The following HAAO variants were observed in gnomAD, a reference collection of about 807,000 sequenced individuals.
HAAO encodes 3-hydroxyanthranilate 3,4-dioxygenase, also known as 3-hydroxyanthranilate oxygenase.
In HAAO, 49 loss-of-function variants were observed where a neutral mutation model predicts 46.2. The ratio of observed to expected loss-of-function variants is 1.06; its 90% CI spans 0.84 to 1.34. The LOEUF is 1.34. Among genes scored for constraint, HAAO ranks in the 40% most tolerant of loss-of-function variants. HAAO has a pLI of 0.00. For synonymous variants in HAAO, 157 were observed against 145.2 expected (o/e 1.08, Z -0.58); for missense variants, 408 against 364.5 (o/e 1.12, Z -0.97).
chr2:42,772,683 T>G (rs2104643311), intron 4 of HAAO, among the ~76,000 whole-genome samples: 1 of 152,204 alleles, frequency 6.6e-6, no homozygotes, highest in East Asian at 1.9e-4. Context: ...TAGTAACAAG[T>G]AATTTTAATT....
intron 1 of HAAO, among the ~76,000 whole-genome samples, chr2:42,789,493 C>A (rs1313486289): frequency 1.3e-5 from 2 of 152,168 alleles, no homozygotes; most frequent in Non-Finnish European, 2.9e-5. Flanking sequence ...TCGCTTGAAC[C>A]TGAGAGGTGA....
chr2:42,767,914 C>A lies in HAAO; in HGVS notation c.645G>T (p.Gly215=). 1 of 1,613,762 alleles carries A rather than the reference C, an allele frequency of 6.2e-7. No individual in the cohort carries two copies. The change falls in exon 8 of 10, where the codon GGG becomes GGT. Residue 215 remains glycine, a synonymous_variant. Transcript: ENST00000294973. ...GTCTCAGGCCTTCGCTGCTGCCTTG[C>A]CCATAGGCGATCACCTGGTGGGAGG... ...DTYETQVIAY[G]QGSSEGLRQN... is the part of the protein sequence containing the mutation.
chr2:42,774,129 C>T lies in HAAO; in HGVS notation c.351-3547G>A, dbSNP rs116763911. ...ATATGTTAATTGATGTCTCTTGTCC[C>T]CCTAAAATGTATAAAACCAAGCTGT... On this transcript the variant is annotated intron_variant, in intron 4 of 9. Coordinates refer to ENST00000294973, the MANE Select transcript of HAAO (RefSeq NM_012205.3). Among the ~76,000 whole-genome samples the T allele has an allele frequency of 8.9e-3, 1,354 of 152,292 alleles. 18 individuals carry two copies. The highest frequency in any genetic ancestry group is 0.031 in the African/African-American group (1,303 of 41,538).
chr2:42,770,146 G>T lies in HAAO; in HGVS notation c.481C>A (p.Pro161Thr). The T allele has an allele frequency of 1.2e-6, 2 of 1,604,162 alleles. No individual in the cohort carries two copies. Among genetic ancestry groups the T allele is most frequent in the Non-Finnish European group, 1.7e-6 (2 of 1,174,432 alleles). Residue 161 changes from proline to threonine, a missense_variant, in exon 6 of 10, where the codon CCT (proline) becomes ACT (threonine). Pro to Thr is a conservative substitution (Grantham distance 38). Coordinates refer to ENST00000294973, the MANE Select transcript of HAAO (RefSeq NM_012205.3). ...GGGCAGTTCCCAGCGGCCTCACCAGGGATGGGCTTTCCTGTTCTGTACTGC... is the reference window on the plus strand; with the variant it reads ...GGGCAGTTCCCAGCGGCCTCACCAGTGATGGGCTTTCCTGTTCTGTACTGC... ...SEQYRTGKPI[P>T]DQLLKEPPFP...
intron 4 of HAAO, 177 bp downstream of exon 4, chr2:42,783,137 C>T: frequency 1.7e-6 from 1 of 596,668 alleles, no homozygotes. Flanking sequence ...CTCTACCCCT[C>T]CACCATCAGC....
chr2:42,775,220 C>A (rs1671451969), intron 4 of HAAO, among the ~76,000 whole-genome samples: 1 of 135,108 alleles, frequency 7.4e-6, no homozygotes, highest in African/African-American at 3.0e-5. Flanking sequence ...ACACTTCAGC[C>A]TGGGTGACAG....
intron 7 of HAAO, among the ~76,000 whole-genome samples, chr2:42,768,947 C>T (rs750050767): frequency 3.9e-5 from 6 of 152,214 alleles, no homozygotes; most frequent in Non-Finnish European, 8.8e-5. Context: ...ACAGCTCATG[C>T]TCATGCTTCT....
At chr2:42,791,815 G>C (rs971499138) in intron 1 of HAAO, among the ~76,000 whole-genome samples, 2 of 152,134 alleles carry the variant, frequency 1.3e-5, no homozygotes, top group African/African-American at 4.8e-5. Flanking sequence ...ATACCACAGG[G>C]GAGGGCCTGA....
chr2:42,772,272 G>T (rs568539503), intron 4 of HAAO, among the ~76,000 whole-genome samples: 273 of 152,186 alleles, frequency 1.8e-3, no homozygotes, highest in African/African-American at 6.0e-3. Context: ...CCTGAGGTTG[G>T]CAGTTCGAGA....
intron 4 of HAAO, among the ~76,000 whole-genome samples, chr2:42,780,319 T>C (rs1161193396): frequency 1.3e-5 from 2 of 151,902 alleles, no homozygotes; most frequent in Non-Finnish European, 2.9e-5. Context: ...GTGATTCTCC[T>C]GCCTCAGCCT....
intron 2 of HAAO, among the ~76,000 whole-genome samples, chr2:42,784,175 G>C (rs1672222196): frequency 6.6e-6 from 1 of 152,230 alleles, no homozygotes. Context: ...TGACCCAGCA[G>C]TCAGGTAGGG....
intron 2 of HAAO, among the ~76,000 whole-genome samples, chr2:42,786,659 C>T (rs1672406699): frequency 6.6e-6 from 1 of 152,116 alleles, no homozygotes; most frequent in Non-Finnish European, 1.5e-5. Flanking sequence ...AGAGAATTCC[C>T]CCAATGCAAG....
At chr2:42,770,318 G>A in intron 5 of HAAO, 132 bp from the exon 6 acceptor site, 1 of 889,452 alleles carries the variant, frequency 1.1e-6, no homozygotes, top group Non-Finnish European at 1.8e-6. Flanking sequence ...ACACAGCTGT[G>A]TGTCTGCCAT....
intron 2 of HAAO, among the ~76,000 whole-genome samples, chr2:42,784,374 G>C (rs181209329): frequency 1.1e-3 from 163 of 152,232 alleles, no homozygotes; most frequent in African/African-American, 3.9e-3. Context: ...GCCGCAGCTT[G>C]GATCCAAGGC....
intron 4 of HAAO, among the ~76,000 whole-genome samples, chr2:42,775,350 G>A (rs757950680): frequency 9.9e-5 from 15 of 152,012 alleles, no homozygotes; most frequent in Non-Finnish European, 2.2e-4. Flanking sequence ...CTGCTAAGGG[G>A]CTTGATTTAC....
chr2:42,767,896 G>T lies in HAAO; in HGVS notation c.663C>A (p.Gly221=). 1 of 1,614,000 alleles carries T rather than the reference G, an allele frequency of 6.2e-7. No individual in the cohort carries two copies. The highest frequency in any genetic ancestry group is 1.7e-5 in the Admixed American group (1 of 60,020). The change falls in exon 8 of 10, where the codon GGC becomes GGA. Residue 221 remains glycine, a synonymous_variant. Transcript: ENST00000294973. ...GCCACACGTCCACATTCTGTCTCAG[G>T]CCTTCGCTGCTGCCTTGCCCATAGG... ...VIAYGQGSSE[G]LRQNVDVWLW...
At chr2:42,783,028 G>A in intron 4 of HAAO, 1 of 504,116 alleles carries the variant, frequency 2.0e-6, no homozygotes. Context: ...AATTTTCAAG[G>A]TTCACAACCT....
At chr2:42,780,647 GA>G (rs1671919934) in intron 4 of HAAO, among the ~76,000 whole-genome samples, 1 of 152,064 alleles carries the variant, frequency 6.6e-6, no homozygotes, top group African/African-American at 2.4e-5. Flanking sequence ...TAAGTAAACT[GA>G]ACTCATAGAA....
At chr2:42,779,209 A>G (rs1671809197) in intron 4 of HAAO, among the ~76,000 whole-genome samples, 1 of 152,234 alleles carries the variant, frequency 6.6e-6, no homozygotes, top group South Asian at 2.1e-4. Context: ...CCTGTGTCAG[A>G]TTAAAAAGGT....
Sources: gnomAD v4.1 joint callset for allele counts (sites outside exome capture counted in the v4.1 genomes callset) on GRCh38, gnomAD v4.1.1 for gene constraint, MANE v1.5 for transcripts, NCBI Gene and HGNC (gene_info 2026-07-23, HGNC 2026-07-21) for gene names.